Variants in KDM3A observed in about 807,000 individuals in gnomAD.
KDM3A encodes lysine-specific demethylase 3A.
KDM3A carries 60 observed loss-of-function variants against 158.0 expected under a neutral mutation model. The observed-to-expected ratio is 0.38, with a 90% CI of 0.31 to 0.47. The LOEUF (loss-of-function observed/expected upper bound fraction) is 0.47. Ranked by LOEUF, KDM3A falls within the 20% of genes least tolerant of loss-of-function variation. The pLI is 0.99. For missense variants in KDM3A, 1,319 were observed against 1,574.3 expected (o/e 0.84, Z 2.74); for synonymous variants, 608 against 549.3 (o/e 1.11, Z -1.49).
intron 8 of KDM3A, among the ~76,000 whole-genome samples, chr2:86,460,573 G>GT (rs1401278479): frequency 6.6e-6 from 1 of 152,162 alleles, no homozygotes; most frequent in African/African-American, 2.4e-5. Context: ...ACTCTTGACT[G>GT]TCTTGATGAA....
At chr2:86,444,047 G>A (rs1682852644) in intron 2 of KDM3A, among the ~76,000 whole-genome samples, 1 of 152,194 alleles carries the variant, frequency 6.6e-6, no homozygotes, top group African/African-American at 2.4e-5. Context: ...CCCTTCTGTA[G>A]CAGCAATTGA....
chr2:86,438,468 T>C (rs567249052), upstream of KDM3A, among the ~76,000 whole-genome samples: 1 of 152,116 alleles, frequency 6.6e-6, no homozygotes, highest in South Asian at 2.1e-4. Flanking sequence ...ATTGTATATT[T>C]GAAAATTGCT....
chr2:86,443,701 A>G (rs1160347610), intron 2 of KDM3A, among the ~76,000 whole-genome samples: 1 of 152,220 alleles, frequency 6.6e-6, no homozygotes, highest in Non-Finnish European at 1.5e-5. Context: ...CCAGTGATCA[A>G]GAGCTATGCC....
chr2:86,458,600 AG>A (rs1672801179), intron 8 of KDM3A, among the ~76,000 whole-genome samples: 1 of 152,122 alleles, frequency 6.6e-6, no homozygotes, highest in African/African-American at 2.4e-5. Context: ...AGACTTCCAG[AG>A]GGCTCCCACA....
intron 19 of KDM3A, chr2:86,484,698 C>T (rs1469227169): frequency 1.6e-5 from 7 of 424,886 alleles, no homozygotes; most frequent in Non-Finnish European, 2.5e-5. Flanking sequence ...CTTTATTTTG[C>T]TGCACCTTGC....
In KDM3A at chr2:86,492,244, CTCTG is replaced by C. The variant is rs1195105956; in HGVS notation, c.*129_*132del. The C allele has an allele frequency of 4.3e-6, 3 of 690,114 alleles. No homozygotes were observed. The highest frequency in any genetic ancestry group is 7.7e-6 in the Non-Finnish European group (3 of 388,728). The allele number at this position is 690,114 out of a possible 1,614,324, so 42.7% of individuals were successfully genotyped here. ...AAACTGTACCCAACTTGTGAGGGTA[CTCTG>C]TCTAATGTATATTTCTAGTGTTTAC... On this transcript the variant is annotated 3_prime_UTR_variant, in exon 26 of 26. Transcript: ENST00000312912.
At position 86,485,823 on chromosome 2, in the gene KDM3A, C is replaced by T. The variant is rs979151200; in HGVS notation, c.3277C>T (p.Arg1093Trp). Residue 1093 changes from arginine to tryptophan, a missense_variant, in exon 21 of 26, where the codon CGG becomes TGG. Arg to Trp is a moderately radical substitution (Grantham distance 101). Transcript: ENST00000312912. ...LASRLPNYFV[R>W]PDLGPKMYNA... is the part of the protein sequence containing the mutation. ...CTCTAGGCTGCCAAACTACTTTGTT[C>T]GGCCAGATCTGGGCCCCAAGATGTA... 1.2e-6 allele frequency: 2 copies of T among 1,614,046 alleles called. No individual in the cohort carries two copies. Among genetic ancestry groups the T allele is most frequent in the Non-Finnish European group, 1.7e-6 (2 of 1,179,974 alleles).
chr2:86,451,168 T>A lies in KDM3A; in HGVS notation c.408T>A (p.Asp136Glu). The A allele has an allele frequency of 6.2e-7, 1 of 1,612,166 alleles. No individual in the cohort carries two copies. The highest frequency in any genetic ancestry group is 8.5e-7 in the Non-Finnish European group (1 of 1,179,380). Residue 136 changes from aspartate to glutamate, a missense_variant, in exon 4 of 26, where the codon GAT becomes GAA. This residue lies in a region of KDM3A where 652 missense variants were observed against 627.2 expected (regional missense o/e 1.04). Transcript: ENST00000312912. ...TAACTTCTGTTCGCTTTCTGGGAGA[T>A]CAACAAAGAGTATTTCTTTCTAAAG... The part of the protein sequence containing the change: ...GSITSVRFLG[D>E]QQRVFLSKDL...
rs1411313862 is a variant in KDM3A, at chr2:86,450,023, C to T, written c.342+61C>T. ...GAGGGCATTTTATCCATTGTGGGTA[C>T]AAAAGGAATATGTAAATGTAATGCC... On this transcript the variant is annotated intron_variant, in intron 3 of 25. Coordinates refer to ENST00000312912, the MANE Select transcript of KDM3A (RefSeq NM_018433.6). The T allele has an allele frequency of 2.7e-5, 40 of 1,490,450 alleles. 2 individuals are homozygous for T. The Admixed American group carries it at 8.4e-4, about 31-fold the overall frequency. The allele number at this position is 1,490,450 out of a possible 1,614,324, so 92.3% of individuals were successfully genotyped here. A position where few individuals can be genotyped will look rare whatever the true frequency, so the allele number is the denominator to read the frequency against.
intron 8 of KDM3A, among the ~76,000 whole-genome samples, chr2:86,460,221 T>A (rs1054010824): frequency 6.6e-6 from 1 of 152,188 alleles, no homozygotes; most frequent in African/African-American, 2.4e-5. Flanking sequence ...GAGACCTGAT[T>A]TTTTTTGTTA....
intron 12 of KDM3A, among the ~76,000 whole-genome samples, chr2:86,477,569 T>A (rs752133552): frequency 1.6e-4 from 24 of 152,158 alleles, no homozygotes; most frequent in Non-Finnish European, 3.4e-4. Flanking sequence ...CTCCAACTTG[T>A]GTAACTACTG....
At chr2:86,470,808 T>G (rs1031999125) in intron 11 of KDM3A, among the ~76,000 whole-genome samples, 4 of 152,238 alleles carry the variant, frequency 2.6e-5, no homozygotes, top group Non-Finnish European at 4.4e-5. Context: ...CATTACATAG[T>G]AGGAACCTCT....
chr2:86,485,566 C>T (rs1418655937), intron 20 of KDM3A, among the ~76,000 whole-genome samples, 163 bp from the exon 21 acceptor site: 1 of 152,202 alleles, frequency 6.6e-6, no homozygotes, highest in Non-Finnish European at 1.5e-5. Context: ...GAGAAGACAT[C>T]TTTGTAACTG....
intron 2 of KDM3A, among the ~76,000 whole-genome samples, chr2:86,442,771 A>C (rs764077239): frequency 2.0e-5 from 3 of 152,126 alleles, no homozygotes; most frequent in Admixed American, 6.5e-5. Flanking sequence ...GGGTCAGGGC[A>C]GGAGTGGGTT....
upstream of KDM3A, among the ~76,000 whole-genome samples, chr2:86,439,056 A>C (rs1286576838): frequency 6.6e-6 from 1 of 152,002 alleles, no homozygotes; most frequent in East Asian, 1.9e-4. Context: ...TGTGGTACGT[A>C]ACTTATATTC....
chr2:86,479,481 T>A (rs911305189), intron 15 of KDM3A: 2 of 152,214 alleles, frequency 1.3e-5, no homozygotes, highest in Non-Finnish European at 2.9e-5. Context: ...GTGCTTCAGC[T>A]TCCTCATCAG....
intron 2 of KDM3A, 76 bp downstream of exon 2, chr2:86,442,309 C>T (rs1181765922): frequency 4.9e-5 from 68 of 1,385,126 alleles, no homozygotes; most frequent in Non-Finnish European, 6.6e-5. Context: ...TTCCCTCCTT[C>T]CGTTTTCTGA....
intron 8 of KDM3A, among the ~76,000 whole-genome samples, chr2:86,461,598 A>G (rs1191053765): frequency 2.0e-5 from 3 of 152,178 alleles, no homozygotes; most frequent in African/African-American, 4.8e-5. Flanking sequence ...CTGACAGTGA[A>G]TAAGTGAAAG....
intron 8 of KDM3A, 60 bp downstream of exon 8, chr2:86,457,131 G>T (rs1672740158): frequency 9.7e-6 from 6 of 618,934 alleles, no homozygotes; most frequent in Non-Finnish European, 1.5e-5. Context: ...TGCATGGCTA[G>T]TTTTTATTTT....
Sources: gnomAD v4.1 joint callset for allele counts (sites outside exome capture counted in the v4.1 genomes callset) on GRCh38, gnomAD v4.1.1 for gene constraint, gnomAD v4.1.1 regional missense constraint, MANE v1.5 for transcripts, NCBI Gene and HGNC (gene_info 2026-07-23, HGNC 2026-07-21) for gene names.